Variants in TGFBRAP1 observed in about 807,000 individuals in gnomAD.
The protein encoded by TGFBRAP1 is transforming growth factor beta receptor associated protein 1, also known as transforming growth factor-beta receptor-associated protein 1.
A neutral mutation model predicts 83.2 loss-of-function variants in TGFBRAP1; 20 were observed. The ratio of observed to expected loss-of-function variants is 0.24; its 90% confidence interval spans 0.17 to 0.35. The LOEUF is 0.35. Among genes scored for constraint, TGFBRAP1 ranks in the 10% least tolerant of loss-of-function variants. The pLI is 1.00. For synonymous variants in TGFBRAP1, 415 were observed against 459.8 expected, an observed-to-expected ratio of 0.90 and a Z score of 1.25; for missense variants, 950 against 1,099.4, an observed-to-expected ratio of 0.86 and a Z score of 1.92.
chr2:105,267,209 C>A lies in TGFBRAP1; in HGVS notation c.*174G>T. The A allele has an allele frequency of 1.5e-6, 1 of 650,320 alleles. No individual in the cohort carries two copies. The highest frequency in any genetic ancestry group is 2.5e-6 in the Non-Finnish European group (1 of 396,456). 40.3% of individuals were successfully genotyped at this position (650,320 alleles called of 1,614,324 possible). A position where few individuals can be genotyped will look rare whatever the true frequency, so the allele number is the denominator to read the frequency against. On this transcript the variant is annotated 3_prime_UTR_variant, in exon 12 of 12. Transcript: ENST00000393359. The stretch of plus-strand genomic sequence containing the variant: ...AGAGCCTGGTCATTCCATGTACATT[C>A]ATAGAGCCTGGTCAGCAGCGAGGAG...
At chr2:105,290,495 T>C (rs542083186) in intron 4 of TGFBRAP1, among the ~76,000 whole-genome samples, 8 of 152,166 alleles carry the variant, frequency 5.3e-5, no homozygotes, top group Non-Finnish European at 1.0e-4. Context: ...CTGCAAACTA[T>C]AAATATTTTT....
chr2:105,327,188 T>C (rs879392031), intron 1 of TGFBRAP1: 1 of 152,144 alleles, frequency 6.6e-6, no homozygotes. Flanking sequence ...ATTTGTAATA[T>C]TAGCATGAAG....
the TGFBRAP1 span, among the ~76,000 whole-genome samples, chr2:105,256,646 T>C: frequency 1.3e-5 from 2 of 152,232 alleles, no homozygotes; most frequent in Non-Finnish European, 2.9e-5. Flanking sequence ...GGTTATCATA[T>C]TACTGGTCTG....
intron 6 of TGFBRAP1, among the ~76,000 whole-genome samples, chr2:105,278,577 T>C (rs1477944477): frequency 6.6e-6 from 1 of 152,040 alleles, no homozygotes; most frequent in Non-Finnish European, 1.5e-5. Flanking sequence ...AGCCTCTAAC[T>C]CCTCACCTAT....
the TGFBRAP1 span, among the ~76,000 whole-genome samples, chr2:105,258,694 AG>A: frequency 3.3e-5 from 5 of 150,720 alleles, no homozygotes; most frequent in Admixed American, 3.3e-4. Context: ...ACAATAAATC[AG>A]TCTCTCAATC....
intron 4 of TGFBRAP1, among the ~76,000 whole-genome samples, chr2:105,291,933 A>G (rs1031255529): frequency 6.6e-6 from 1 of 152,220 alleles, no homozygotes; most frequent in Non-Finnish European, 1.5e-5. Flanking sequence ...CCAGATTGTC[A>G]TCAGATTTTT....
chr2:105,264,321 C>T (rs1299903809), downstream of TGFBRAP1: 3 of 152,182 alleles, frequency 2.0e-5, no homozygotes, highest in Admixed American at 1.3e-4. Flanking sequence ...GGGTTGGCAA[C>T]TCAAGTCCTC....
chr2:105,276,199 C>A (rs1043579678), intron 7 of TGFBRAP1, among the ~76,000 whole-genome samples: 4 of 152,194 alleles, frequency 2.6e-5, no homozygotes, highest in African/African-American at 9.7e-5. Flanking sequence ...CCCCTGAGTT[C>A]ACACTGCCTT....
chr2:105,313,811 CAA>C (rs1678766108), intron 1 of TGFBRAP1, among the ~76,000 whole-genome samples: 1 of 151,800 alleles, frequency 6.6e-6, no homozygotes, highest in African/African-American at 2.4e-5. Flanking sequence ...AAAACTATTT[CAA>C]AAGATTCAGA....
At chr2:105,321,329 G>A (rs1679059197) in intron 1 of TGFBRAP1, among the ~76,000 whole-genome samples, 1 of 151,938 alleles carries the variant, frequency 6.6e-6, no homozygotes, top group African/African-American at 2.4e-5. Flanking sequence ...ATCATGCCTG[G>A]CTAATTTTTT....
At chr2:105,302,207 G>T (rs1678323547) in intron 2 of TGFBRAP1, among the ~76,000 whole-genome samples, 1 of 152,116 alleles carries the variant, frequency 6.6e-6, no homozygotes, top group Non-Finnish European at 1.5e-5. Context: ...TCCTCTGTTG[G>T]CAAAGCTGGA....
intron 1 of TGFBRAP1, among the ~76,000 whole-genome samples, chr2:105,316,456 T>TGCGCGC (rs1558654502): frequency 7.0e-5 from 5 of 71,706 alleles, no homozygotes; most frequent in Non-Finnish European, 1.4e-4. Flanking sequence ...TGTGTGTGTG[T>TGCGCGC]GTGTGTGCGC....
chr2:105,309,421 C>T (rs1678622129), intron 1 of TGFBRAP1, among the ~76,000 whole-genome samples: 1 of 152,226 alleles, frequency 6.6e-6, no homozygotes, highest in Non-Finnish European at 1.5e-5. Flanking sequence ...TGGAACAGTG[C>T]TGCTTCATGA....
chr2:105,261,824 A>G (rs1433316165), downstream of TGFBRAP1, among the ~76,000 whole-genome samples: 1 of 152,160 alleles, frequency 6.6e-6, no homozygotes. Flanking sequence ...AACCACTTGA[A>G]AAAAGGTATG....
intron 1 of TGFBRAP1, among the ~76,000 whole-genome samples, chr2:105,328,684 T>G (rs1417455208): frequency 2.0e-5 from 3 of 152,196 alleles, no homozygotes; most frequent in Non-Finnish European, 2.9e-5. Context: ...TCCTTCCTGA[T>G]AGACAAGGTG....
At chr2:105,281,793 A>AAAGCAGTG (rs1281256284) in intron 5 of TGFBRAP1, among the ~76,000 whole-genome samples, 1 of 152,070 alleles carries the variant, frequency 6.6e-6, no homozygotes, top group Non-Finnish European at 1.5e-5. Flanking sequence ...TTCCTGGCCT[A>AAAGCAGTG]AAGCAGTGGT....
At chr2:105,278,962 A>G (rs1007043635) in intron 6 of TGFBRAP1, among the ~76,000 whole-genome samples, 5 of 151,910 alleles carry the variant, frequency 3.3e-5, no homozygotes, top group African/African-American at 1.2e-4. Context: ...GAAGGCTCTG[A>G]CATCTCAGAT....
At chr2:105,282,873 C>A (rs2104341354) in intron 5 of TGFBRAP1, among the ~76,000 whole-genome samples, 1 of 151,584 alleles carries the variant, frequency 6.6e-6, no homozygotes, top group Non-Finnish European at 1.5e-5. Context: ...ACACTTTGGA[C>A]CAAAGACGAG....
At chr2:105,278,675 T>A (rs1380005899) in intron 6 of TGFBRAP1, among the ~76,000 whole-genome samples, 1 of 152,186 alleles carries the variant, frequency 6.6e-6, no homozygotes, top group Non-Finnish European at 1.5e-5. Context: ...GCCACACTCC[T>A]GGTCCTCCTT....
Sources: allele counts gnomAD v4.1 joint callset (sites outside exome capture counted in the v4.1 genomes callset), GRCh38; gene constraint gnomAD v4.1.1; transcripts MANE v1.5; gene names NCBI Gene and HGNC (gene_info 2026-07-23, HGNC 2026-07-21).